CACNA1E: variants seen among roughly 807,000 people sequenced by gnomAD.
The protein encoded by CACNA1E is calcium voltage-gated channel subunit alpha1 E, also known as voltage-dependent R-type calcium channel subunit alpha-1E.
In CACNA1E, 40 loss-of-function variants were observed where a neutral mutation model predicts 259.2. The observed-to-expected ratio is 0.15, with a 90% CI of 0.12 to 0.20. The LOEUF (loss-of-function observed/expected upper bound fraction) is 0.20. CACNA1E is among the 10% of genes least tolerant of loss of function. The pLI is 1.00. For missense variants in CACNA1E, 1,874 were observed against 3,040.1 expected (o/e 0.62, Z 9.02); for synonymous variants, 1,104 against 1,138.5 (o/e 0.97, Z 0.61).
intron 2 of CACNA1E, among the ~76,000 whole-genome samples, chr1:181,449,130 G>A (rs1009493747): frequency 6.6e-6 from 1 of 152,250 alleles, no homozygotes; most frequent in Non-Finnish European, 1.5e-5. Flanking sequence ...CACCCCAGCA[G>A]TGTGTTAATT....
In CACNA1E at chr1:181,442,994, G is replaced by C. The variant is rs1284895106; in HGVS notation, c.434+29414G>C. On this transcript the variant is annotated intron_variant, in intron 2 of 11. Coordinates refer to the CACNA1E transcript ENST00000524607. ...CAGGAGGGGCAGAATTCTAAACCAA[G>C]GAGAAGAAAAGCCCAAATGGAGATA... 3.3e-5 allele frequency among the ~76,000 whole-genome samples: 5 copies of C among 152,154 alleles called. No individual in the cohort carries two copies. The East Asian group carries it at 9.6e-4, about 29-fold the overall frequency.
At chr1:181,380,872 T>C (rs1481943144) in intron 1 of CACNA1E, among the ~76,000 whole-genome samples, 1 of 152,246 alleles carries the variant, frequency 6.6e-6, no homozygotes, top group Non-Finnish European at 1.5e-5. Context: ...GTAATGAAAG[T>C]ATATGTCCAT....
At chr1:181,384,225 G>A (rs1281985220) in intron 1 of CACNA1E, among the ~76,000 whole-genome samples, 1 of 152,106 alleles carries the variant, frequency 6.6e-6, no homozygotes, top group Admixed American at 6.5e-5. Context: ...GTTAAGACAC[G>A]GAGATGCGAT....
chr1:181,748,211 C>T (rs374137529), intron 25 of CACNA1E, among the ~76,000 whole-genome samples: 4 of 152,006 alleles, frequency 2.6e-5, no homozygotes, highest in African/African-American at 7.3e-5. Context: ...GACAAATAGC[C>T]CCCCCAGTGG....
At chr1:181,752,731 A>G (rs1657706134) in intron 27 of CACNA1E, among the ~76,000 whole-genome samples, 1 of 152,264 alleles carries the variant, frequency 6.6e-6, no homozygotes, top group Non-Finnish European at 1.5e-5. Context: ...AACTTGTCCA[A>G]GGACATGCAG....
chr1:181,770,360 G>C (rs1462450415), intron 35 of CACNA1E, among the ~76,000 whole-genome samples: 1 of 152,162 alleles, frequency 6.6e-6, no homozygotes, highest in Admixed American at 6.5e-5. Flanking sequence ...TGGAGGGGTT[G>C]ACCTTGGCTC....
chr1:181,700,051 G>A (rs1052869087), intron 7 of CACNA1E, among the ~76,000 whole-genome samples: 1 of 152,138 alleles, frequency 6.6e-6, no homozygotes, highest in Non-Finnish European at 1.5e-5. Flanking sequence ...GTCTCCATGG[G>A]CCTGTGCAAC....
intron 6 of CACNA1E, among the ~76,000 whole-genome samples, chr1:181,587,789 A>G (rs1056731352): frequency 1.3e-5 from 2 of 152,180 alleles, no homozygotes; most frequent in African/African-American, 4.8e-5. Context: ...AGGCTGAGGC[A>G]GGAGAATGGT....
intron 2 of CACNA1E, among the ~76,000 whole-genome samples, chr1:181,427,879 T>A (rs6691904): frequency 0.43 from 65,276 of 151,188 alleles, 14,846 homozygotes; most frequent in African/African-American, 0.57. Context: ...TTTTAGTTTT[T>A]AAAAATTACA....
intron 3 of CACNA1E, among the ~76,000 whole-genome samples, chr1:181,575,539 C>A (rs1490337605): frequency 1.3e-5 from 2 of 152,174 alleles, no homozygotes; most frequent in East Asian, 3.8e-4. Flanking sequence ...TTTTTCCCCT[C>A]TACATTTGAG....
At chr1:181,550,393 G>A (rs1647999238) in intron 3 of CACNA1E, among the ~76,000 whole-genome samples, 1 of 152,112 alleles carries the variant, frequency 6.6e-6, no homozygotes. Flanking sequence ...TGGACACCTC[G>A]ATTCATCACT....
At chr1:181,593,783 C>T (rs1217910396) in intron 6 of CACNA1E, among the ~76,000 whole-genome samples, 1 of 152,174 alleles carries the variant, frequency 6.6e-6, no homozygotes, top group East Asian at 1.9e-4. Flanking sequence ...GTGATCCCCC[C>T]GCCTCAGCCT....
chr1:181,347,089 G>A (rs1049301894), intron 1 of CACNA1E, among the ~76,000 whole-genome samples: 4 of 152,114 alleles, frequency 2.6e-5, no homozygotes, highest in Non-Finnish European at 4.4e-5. Flanking sequence ...TAGCACCAAG[G>A]AAATCTTCAC....
At chr1:181,669,363 G>A (rs1648565322) in intron 7 of CACNA1E, among the ~76,000 whole-genome samples, 1 of 152,080 alleles carries the variant, frequency 6.6e-6, no homozygotes, top group South Asian at 2.1e-4. Context: ...TGGCCACACG[G>A]CTCACTGTTC....
At chr1:181,785,118 C>A (rs1660745402) in intron 41 of CACNA1E, among the ~76,000 whole-genome samples, 200 bp from the exon 42 acceptor site, 1 of 152,130 alleles carries the variant, frequency 6.6e-6, no homozygotes, top group African/African-American at 2.4e-5. Flanking sequence ...GGCATGCAAG[C>A]CCCCTGAGGA....
intron 3 of CACNA1E, among the ~76,000 whole-genome samples, chr1:181,539,699 T>A (rs1477497835): frequency 1.3e-5 from 2 of 152,212 alleles, no homozygotes; most frequent in Non-Finnish European, 2.9e-5. Flanking sequence ...CTGATAAGCA[T>A]TTTTCTTAGT....
intron 1 of CACNA1E, among the ~76,000 whole-genome samples, chr1:181,367,159 T>C (rs946329565): frequency 2.0e-5 from 3 of 152,178 alleles, no homozygotes; most frequent in African/African-American, 7.2e-5. Flanking sequence ...AGTGTTGTGG[T>C]TGCGCCTTCT....
intron 2 of CACNA1E, among the ~76,000 whole-genome samples, chr1:181,422,985 A>T (rs1441554490): frequency 6.6e-6 from 1 of 152,204 alleles, no homozygotes; most frequent in African/African-American, 2.4e-5. Flanking sequence ...AGTAGCAAAC[A>T]TGTATTTTTC....
chr1:181,794,511 T>C (rs1228094555), intron 45 of CACNA1E, among the ~76,000 whole-genome samples: 1 of 152,134 alleles, frequency 6.6e-6, no homozygotes, highest in Admixed American at 6.5e-5. Context: ...TGCCCTCACA[T>C]GTTTCAAAGC....
Sources: gnomAD v4.1 joint callset for allele counts (sites outside exome capture counted in the v4.1 genomes callset) on GRCh38, gnomAD v4.1.1 for gene constraint, MANE v1.5 for transcripts, NCBI Gene and HGNC (gene_info 2026-07-23, HGNC 2026-07-21) for gene names.